DCAF8L2: variants seen among roughly 807,000 people sequenced by gnomAD.
The protein encoded by DCAF8L2 is DDB1- and CUL4-associated factor 8-like protein 2.
For missense variants in DCAF8L2, 430 were observed against 490.7 expected (o/e 0.88, Z 1.17); for synonymous variants, 200 against 190.9 (o/e 1.05, Z -0.39).
chrX:27,663,538 C>T (rs897126568), intron 2 of DCAF8L2, among the ~76,000 whole-genome samples: 4 of 110,856 alleles, frequency 3.6e-5, no homozygotes, highest in Non-Finnish European at 7.5e-5. Flanking sequence ...GTGCCACACA[C>T]AACAATATAA....
At chrX:27,675,566 T>C (rs2047022) in intron 2 of DCAF8L2, among the ~76,000 whole-genome samples, 10,490 of 111,600 alleles carry the variant, frequency 0.094, 477 homozygotes, top group East Asian at 0.35. Context: ...GGTTTTCTAG[T>C]TGACTAGTGC....
the DCAF8L2 span, among the ~76,000 whole-genome samples, chrX:27,489,058 A>G: frequency 1.8e-5 from 2 of 111,454 alleles, no homozygotes; most frequent in African/African-American, 6.5e-5. Flanking sequence ...TAATTTTAAC[A>G]TTATATTGTC....
At position 27,719,993 on chromosome X, in the gene DCAF8L2, T is replaced by C. The variant is rs189315904; in HGVS notation, c.-59+3822T>C. Among the ~76,000 whole-genome samples, 918 of 111,177 alleles carry C rather than the reference T, an allele frequency of 8.3e-3. 6 individuals carry two copies. The highest frequency in any genetic ancestry group is 0.028 in the African/African-American group (863 of 30,595). Reference sequence around the variant, plus strand: ...GTCAATATGACAAAGATTTTTTTCCTGTGTTTTCTTCAAGTGGTTTTGTAT... The same window carrying C: ...GTCAATATGACAAAGATTTTTTTCCCGTGTTTTCTTCAAGTGGTTTTGTAT... On this transcript the variant is annotated intron_variant, in intron 4 of 4. Transcript: ENST00000451261.
At chrX:27,554,788 G>C in the DCAF8L2 span, among the ~76,000 whole-genome samples, 3 of 111,490 alleles carry the variant, frequency 2.7e-5, no homozygotes, top group South Asian at 1.1e-3. Context: ...AGAAGGATCT[G>C]TCAGACCCGC....
chrX:27,547,469 A>G, the DCAF8L2 span, among the ~76,000 whole-genome samples: 1 of 112,022 alleles, frequency 8.9e-6, no homozygotes, highest in Non-Finnish European at 1.9e-5. Context: ...CCCAAGACAG[A>G]GTAATTTATA....
intron 3 of DCAF8L2, among the ~76,000 whole-genome samples, chrX:27,700,411 G>A (rs1436374271): frequency 9.0e-6 from 1 of 111,095 alleles, no homozygotes; most frequent in African/African-American, 3.3e-5. Context: ...CATAGGAGGG[G>A]AAAGGATATA....
At chrX:27,646,867 T>C (rs1044287810) in intron 2 of DCAF8L2, among the ~76,000 whole-genome samples, 1 of 111,575 alleles carries the variant, frequency 9.0e-6, no homozygotes, top group Admixed American at 9.5e-5. Flanking sequence ...AGATACCATC[T>C]CATGCCACTC....
the DCAF8L2 span, among the ~76,000 whole-genome samples, chrX:27,547,271 A>G: frequency 1.8e-5 from 2 of 111,738 alleles, no homozygotes; most frequent in African/African-American, 6.5e-5. Context: ...AAACCATTCA[A>G]TAAGTGTCTC....
At chrX:27,542,376 T>G in the DCAF8L2 span, among the ~76,000 whole-genome samples, 1 of 110,706 alleles carries the variant, frequency 9.0e-6, no homozygotes, top group Non-Finnish European at 1.9e-5. Context: ...GTTTTTTGAC[T>G]TTTTAATAAT....
At chrX:27,567,245 G>C in the DCAF8L2 span, among the ~76,000 whole-genome samples, 1 of 109,233 alleles carries the variant, frequency 9.2e-6, no homozygotes, top group East Asian at 2.9e-4. Flanking sequence ...GGTTCCATTT[G>C]CTCTATAATG....
chrX:27,715,095 A>C (rs1241782436), intron 3 of DCAF8L2, among the ~76,000 whole-genome samples: 2 of 110,705 alleles, frequency 1.8e-5, no homozygotes, highest in East Asian at 5.7e-4. Context: ...ATGGGAGTCA[A>C]AGGTAACTGA....
the DCAF8L2 span, among the ~76,000 whole-genome samples, chrX:27,503,586 A>G: frequency 3.1e-4 from 35 of 111,324 alleles, no homozygotes; most frequent in African/African-American, 1.0e-3. Flanking sequence ...TTTGCAAAAA[A>G]AAAATCAATT....
At chrX:27,536,925 C>G in the DCAF8L2 span, among the ~76,000 whole-genome samples, 1 of 112,210 alleles carries the variant, frequency 8.9e-6, no homozygotes, top group African/African-American at 3.2e-5. Context: ...AAAACCAAAA[C>G]TGTTTATTGC....
the DCAF8L2 span, among the ~76,000 whole-genome samples, chrX:27,534,756 A>T: frequency 7.2e-5 from 8 of 111,879 alleles, no homozygotes; most frequent in Non-Finnish European, 1.5e-4. Context: ...AAATAATAAC[A>T]TCTAGTTCTG....
At chrX:27,512,970 A>C in the DCAF8L2 span, among the ~76,000 whole-genome samples, 1 of 110,301 alleles carries the variant, frequency 9.1e-6, no homozygotes, top group African/African-American at 3.3e-5. Context: ...TTTTTGACAA[A>C]AATGCCAATA....
intron 3 of DCAF8L2, among the ~76,000 whole-genome samples, chrX:27,679,569 G>A (rs180715399): frequency 3.4e-3 from 375 of 110,722 alleles, no homozygotes; most frequent in African/African-American, 0.012. Flanking sequence ...AAGCAGCTGG[G>A]GTCAGATATC....
At chrX:27,639,807 TA>T (rs1928638711) in intron 2 of DCAF8L2, among the ~76,000 whole-genome samples, 3 of 112,335 alleles carry the variant, frequency 2.7e-5, no homozygotes. Context: ...GCATTTTTCA[TA>T]GAACTTTTCT....
chrX:27,536,511 T>C, the DCAF8L2 span, among the ~76,000 whole-genome samples: 2 of 112,413 alleles, frequency 1.8e-5, no homozygotes, highest in Non-Finnish European at 1.9e-5. Context: ...GAAATGAAAA[T>C]AAAACTTTTG....
At chrX:27,503,182 C>G in the DCAF8L2 span, among the ~76,000 whole-genome samples, 1 of 111,232 alleles carries the variant, frequency 9.0e-6, no homozygotes, top group African/African-American at 3.3e-5. Flanking sequence ...TCAGAGAGTT[C>G]CCTATATATT....
Sources: allele counts gnomAD v4.1 joint callset (sites outside exome capture counted in the v4.1 genomes callset), GRCh38; gene constraint gnomAD v4.1.1; transcripts MANE v1.5; gene names NCBI Gene and HGNC (gene_info 2026-07-23, HGNC 2026-07-21).